The following SLC20A2 variants were observed in gnomAD, a reference collection of about 807,000 sequenced individuals.
SLC20A2 encodes solute carrier family 20 member 2.
SLC20A2 carries 30 observed loss-of-function variants against 61.0 expected under a neutral mutation model. The observed-to-expected ratio is 0.49, with a 90% confidence interval of 0.37 to 0.67. The LOEUF is 0.67. Among genes scored for constraint, SLC20A2 ranks in the 30% least tolerant of loss-of-function variants. The probability of loss-of-function intolerance (pLI) is 0.00; values close to 1 mark genes in which losing one functional copy is unlikely to be tolerated. For missense variants in SLC20A2, 626 were observed against 866.4 expected, an observed-to-expected ratio of 0.72 and a Z score of 3.48; for synonymous variants, 351 against 353.3, an observed-to-expected ratio of 0.99 and a Z score of 0.07.
chr8:42,419,553 AAAAAT>A (rs550408553), intron 10 of SLC20A2: 2 of 227,026 alleles, frequency 8.8e-6, no homozygotes, highest in Non-Finnish European at 1.5e-5. Flanking sequence ...AGTCTCAAAA[AAAAAT>A]AAAATAAAAA....
Position 42,495,808 on chromosome 8 carries a change from G to A in SLC20A2, c.-265+5223C>T, listed in dbSNP as rs558498631. ...TCTGTTGCCTAGGCTGGAGTGCAGT[G>A]GTGTGATCTTGGCTCACTGCAACCT... is the stretch of plus-strand genomic sequence containing the variant. On this transcript the variant is annotated intron_variant, in intron 1 of 10. Transcript: ENST00000520262. 5.3e-5 allele frequency among the ~76,000 whole-genome samples: 8 copies of A among 151,508 alleles called. No individual in the cohort carries two copies. The South Asian group carries it at 1.7e-3, about 32-fold the overall frequency.
rs759413136 is a variant in SLC20A2, at chr8:42,437,089, T to C, written c.1423A>G (p.Lys475Glu). Residue 475 changes from lysine to glutamate, a missense_variant, in exon 8 of 11, where the codon AAG becomes GAG. Physicochemically the swap from Lys to Glu is moderately conservative, Grantham distance 56 (BLOSUM62 1). This residue lies in a region of SLC20A2 where 361 missense variants were observed against 422.3 expected (regional missense o/e 0.85). Transcript: ENST00000520262. The surrounding 1 kb of genome is among the most constrained non-coding windows in gnomAD (Gnocchi z 6.4). ...QPREDPAEEE[K>E]EEKDAPEVHL... ...ACCTCGGGTGCGTCCTTCTCCTCCT[T>C]CTCCTCCTCTGCAGGGTCCTCTCGC... 10 of 1,613,910 alleles carry C rather than the reference T, an allele frequency of 6.2e-6. No homozygotes were observed. Among genetic ancestry groups the C allele is most frequent in the South Asian group, 2.2e-5 (2 of 91,088 alleles).
rs758511913 is a variant in SLC20A2 at position 42,417,994 on chromosome 8, A to G, written c.1795-27T>C. ...TGTGGGAGCAGACATTGCAAAGTAA[A>G]AACAGGTGAGCCACAAAGGCTACAC... On this transcript the variant is annotated intron_variant, in intron 10 of 10. Coordinates refer to ENST00000520262, the MANE Select transcript of SLC20A2 (RefSeq NM_001257180.2). The G allele has an allele frequency of 1.9e-6, 3 of 1,606,646 alleles. No homozygotes were observed. In the African/African-American group the frequency reaches 4.0e-5, roughly 22 times the overall value.
At chr8:42,517,142 T>C (rs1425100987) in intron 1 of SLC20A2, among the ~76,000 whole-genome samples, 2 of 152,206 alleles carry the variant, frequency 1.3e-5, no homozygotes, top group Admixed American at 6.5e-5. Context: ...TAATTTTATG[T>C]GACCTGGAAA....
At chr8:42,540,416 GCAAA>G (rs1234305783) in intron 1 of SLC20A2, among the ~76,000 whole-genome samples, 4 of 152,234 alleles carry the variant, frequency 2.6e-5, no homozygotes, top group African/African-American at 9.6e-5. Context: ...CACAGGCCCG[GCAAA>G]CAATCAGTAC....
At chr8:42,458,535 A>T (rs1806385058) in intron 5 of SLC20A2, among the ~76,000 whole-genome samples, 1 of 145,316 alleles carries the variant, frequency 6.9e-6, no homozygotes, top group Non-Finnish European at 1.5e-5. Context: ...AGGTGGGAGG[A>T]TTGCTTGGGC....
At chr8:42,443,439 C>A (rs865951104) in intron 6 of SLC20A2, among the ~76,000 whole-genome samples, 14 of 151,318 alleles carry the variant, frequency 9.3e-5, no homozygotes, top group Middle Eastern at 3.4e-3. Context: ...TCTCAGCCTC[C>A]CGAGTAGCTG....
At chr8:42,436,132 T>A (rs558155730) in intron 8 of SLC20A2, among the ~76,000 whole-genome samples, 8 of 151,654 alleles carry the variant, frequency 5.3e-5, no homozygotes, top group African/African-American at 1.9e-4. Context: ...AAAAATTAAA[T>A]CACCTCCTAG....
chr8:42,502,239 T>C (rs1810370425), upstream of SLC20A2: 1 of 151,998 alleles, frequency 6.6e-6, no homozygotes, highest in African/African-American at 2.4e-5. Flanking sequence ...GATCACCCCA[T>C]CTCCTCCTGA....
At chr8:42,533,919 C>T (rs1159834070) in intron 1 of SLC20A2, among the ~76,000 whole-genome samples, 1 of 150,332 alleles carries the variant, frequency 6.7e-6, no homozygotes, top group Non-Finnish European at 1.5e-5. Flanking sequence ...CGGCCTCTCA[C>T]GCCACCATGC....
At chr8:42,529,710 C>T (rs1423014221) in intron 1 of SLC20A2, among the ~76,000 whole-genome samples, 1 of 152,124 alleles carries the variant, frequency 6.6e-6, no homozygotes, top group Non-Finnish European at 1.5e-5. Flanking sequence ...GTTCACATGC[C>T]CACAGGACTA....
intron 10 of SLC20A2, among the ~76,000 whole-genome samples, chr8:42,420,185 CA>C (rs757483247): frequency 0.036 from 4,239 of 116,184 alleles, 159 homozygotes; most frequent in African/African-American, 0.11. Flanking sequence ...AACTCCGTCT[CA>C]AAAAAAAAAA....
Position 42,417,825 on chromosome 8 carries a change from TAC to T in SLC20A2, c.1935_1936del (p.Met645IlefsTer18). On this transcript the variant is annotated frameshift_variant, in exon 11 of 11. Coordinates refer to ENST00000520262, the MANE Select transcript of SLC20A2 (RefSeq NM_001257180.2). LOFTEE classifies it high-confidence loss of function. ...AAATCACACATATGGAAGGATCCCA[TAC>T]ATGAGAAGAGCCATGACAGCAGCGC... 1 of 1,613,848 alleles carries T rather than the reference TAC, an allele frequency of 6.2e-7. No homozygotes were observed. The highest frequency in any genetic ancestry group is 8.5e-7 in the Non-Finnish European group (1 of 1,179,920).
At chr8:42,452,504 AGAGGAGGAGGAAGAGATAAAGAG>A (rs1308937959) in intron 5 of SLC20A2, among the ~76,000 whole-genome samples, 2 of 146,006 alleles carry the variant, frequency 1.4e-5, no homozygotes, top group African/African-American at 5.1e-5. Flanking sequence ...GAAGAGATGA[AGAGGAGGAGGAAGAGATAAAGAG>A]GAGGAGGAAG....
chr8:42,442,398 G>A (rs1349502870), intron 6 of SLC20A2, among the ~76,000 whole-genome samples: 2 of 152,004 alleles, frequency 1.3e-5, no homozygotes, highest in Non-Finnish European at 2.9e-5. Context: ...TTAAAATAAG[G>A]TTTAGGTTAA....
Position 42,480,649 on chromosome 8 carries a change from G to T in SLC20A2, c.-264-7995C>A, listed in dbSNP as rs1324309281. The T allele has an allele frequency of 2.6e-5, 4 of 152,080 alleles. No individual in the cohort carries two copies. The East Asian group carries it at 7.7e-4, about 29-fold the overall frequency. The allele number at this position is 152,080 out of a possible 1,614,324, so 9.4% of individuals were successfully genotyped here. On this transcript the variant is annotated intron_variant, in intron 1 of 10. Coordinates refer to ENST00000520262, the MANE Select transcript of SLC20A2 (RefSeq NM_001257180.2). Reference sequence around the variant, plus strand: ...GTGTGGAGTCTTCTACTATATTCCAGTTATTTATTTATTCCTTTATTTTTA... The same window carrying T: ...GTGTGGAGTCTTCTACTATATTCCATTTATTTATTTATTCCTTTATTTTTA...
At chr8:42,484,970 G>T in intron 1 of SLC20A2, 1 of 319,776 alleles carries the variant, frequency 3.1e-6, no homozygotes, top group Non-Finnish European at 6.1e-6. Context: ...CTAAGCACAA[G>T]GCCTGCATTT....
chr8:42,473,082 T>C (rs752442972), intron 1 of SLC20A2, among the ~76,000 whole-genome samples: 11 of 152,220 alleles, frequency 7.2e-5, no homozygotes, highest in Non-Finnish European at 1.5e-4. Flanking sequence ...GAGTCTGTGA[T>C]ACCACTGGGT....
chr8:42,432,021 T>A (rs1210454325), intron 8 of SLC20A2, among the ~76,000 whole-genome samples: 1 of 152,258 alleles, frequency 6.6e-6, no homozygotes. Flanking sequence ...CTGCAGCCCA[T>A]GGATCAAAGA....
Sources: allele counts gnomAD v4.1 joint callset (sites outside exome capture counted in the v4.1 genomes callset), GRCh38; gene constraint gnomAD v4.1.1; regional missense constraint gnomAD v4.1.1; non-coding constraint Gnocchi (gnomAD v3.1); transcripts MANE v1.5; gene names NCBI Gene and HGNC (gene_info 2026-07-23, HGNC 2026-07-21).